The following STK32B variants were observed in gnomAD, a reference collection of about 807,000 sequenced individuals.
STK32B encodes serine/threonine kinase 32B.
Under a neutral mutation model 52.6 loss-of-function variants are expected in STK32B, and 43 were observed. The ratio of observed to expected loss-of-function variants is 0.82; its 90% CI spans 0.64 to 1.05. The LOEUF is 1.05. Among genes scored for constraint, STK32B ranks in the 50% least tolerant of loss-of-function variants. The pLI is 0.00. For synonymous variants in STK32B, 238 were observed against 204.3 expected, an observed-to-expected ratio of 1.17 and a Z score of -1.41; for missense variants, 621 against 534.6, an observed-to-expected ratio of 1.16 and a Z score of -1.59.
intron 7 of STK32B, among the ~76,000 whole-genome samples, chr4:5,449,160 G>A (rs1560423126): frequency 6.6e-6 from 1 of 152,180 alleles, no homozygotes; most frequent in Non-Finnish European, 1.5e-5. Flanking sequence ...TGCCAATATG[G>A]TGAAACCCTG....
chr4:5,243,059 G>A (rs1307145639), intron 3 of STK32B, among the ~76,000 whole-genome samples: 7 of 152,020 alleles, frequency 4.6e-5, no homozygotes, highest in African/African-American at 9.7e-5. Context: ...TTGGTGATGC[G>A]GGCTCTTTTT....
chr4:5,046,334 C>G, the STK32B span, among the ~76,000 whole-genome samples: 1 of 152,144 alleles, frequency 6.6e-6, no homozygotes, highest in Admixed American at 6.5e-5. Flanking sequence ...TGCAACTGGA[C>G]TCCTTCCATA....
the STK32B span, among the ~76,000 whole-genome samples, chr4:5,022,601 G>A: frequency 5.3e-5 from 8 of 152,182 alleles, no homozygotes; most frequent in African/African-American, 1.4e-4. Flanking sequence ...CCTTGTCTCC[G>A]CCAAAAGGTC....
chr4:5,041,785 G>A, the STK32B span, among the ~76,000 whole-genome samples: 1 of 144,906 alleles, frequency 6.9e-6, no homozygotes, highest in Non-Finnish European at 1.5e-5. Flanking sequence ...ATCTTGGTGT[G>A]CCACAAAACA....
chr4:5,239,057 C>T (rs1377757674), intron 3 of STK32B, among the ~76,000 whole-genome samples: 1 of 152,024 alleles, frequency 6.6e-6, no homozygotes, highest in African/African-American at 2.4e-5. Context: ...CAGAAAAGCC[C>T]TTTGGAGTGG....
At chr4:5,026,609 T>C in the STK32B span, among the ~76,000 whole-genome samples, 1,565 of 152,312 alleles carry the variant, frequency 0.01, 24 homozygotes, top group African/African-American at 0.035. Flanking sequence ...ATGGGGATTA[T>C]TACAATTCAA....
At chr4:5,072,650 T>A (rs1711851481) in intron 1 of STK32B, among the ~76,000 whole-genome samples, 1 of 152,154 alleles carries the variant, frequency 6.6e-6, no homozygotes, top group Non-Finnish European at 1.5e-5. Context: ...GACTTATAAC[T>A]CAGCATTTGA....
At chr4:5,376,583 C>T (rs1735603184) in intron 4 of STK32B, among the ~76,000 whole-genome samples, 1 of 152,080 alleles carries the variant, frequency 6.6e-6, no homozygotes, top group African/African-American at 2.4e-5. Flanking sequence ...CTCTTTCCTC[C>T]TCCATAAGGG....
chr4:5,128,618 AGGT>A, intron 1 of STK32B, among the ~76,000 whole-genome samples: 1 of 152,336 alleles, frequency 6.6e-6, no homozygotes, highest in East Asian at 1.9e-4. Flanking sequence ...AGGCAACAAG[AGGT>A]GGTTGCAGCT....
chr4:5,331,418 C>G (rs1275399712), intron 4 of STK32B, 25 bp downstream of exon 4: 1 of 1,592,310 alleles, frequency 6.3e-7, no homozygotes, highest in African/African-American at 1.3e-5. Flanking sequence ...GGCGGGATGC[C>G]TGGGACAGAG....
chr4:5,313,870 T>C (rs1045135533), intron 3 of STK32B, among the ~76,000 whole-genome samples: 4 of 152,116 alleles, frequency 2.6e-5, no homozygotes, highest in Admixed American at 6.5e-5. Flanking sequence ...TAGATATAAA[T>C]GTAACAAAAA....
chr4:5,031,522 C>G, the STK32B span, among the ~76,000 whole-genome samples: 1 of 151,970 alleles, frequency 6.6e-6, no homozygotes, highest in South Asian at 2.1e-4. Context: ...TCACCTGACT[C>G]CAAGAGGTCG....
chr4:5,261,409 T>C (rs1396941623), intron 3 of STK32B, among the ~76,000 whole-genome samples: 2 of 152,170 alleles, frequency 1.3e-5, no homozygotes, highest in Non-Finnish European at 2.9e-5. Flanking sequence ...GTGAATGGTG[T>C]TGAGGCCCTT....
upstream of STK32B, among the ~76,000 whole-genome samples, chr4:5,048,941 A>T (rs1741667615): frequency 6.6e-6 from 1 of 152,222 alleles, no homozygotes; most frequent in Non-Finnish European, 1.5e-5. Context: ...GGGTTGCCGG[A>T]GGTCCTAGCA....
rs1717794475 is a variant in STK32B, at chr4:5,470,768, A to T, written c.1106+2698A>T. ...GCCTCAAAACAAGCATTTTTACTTT[A>T]AACCAAGAAAAAAGTGAGACCTGTT... On this transcript the variant is annotated intron_variant, in intron 11 of 11. Transcript: ENST00000282908. The surrounding 1 kb of genome is among the most constrained non-coding windows in gnomAD (Gnocchi z 4.6). Among the ~76,000 whole-genome samples, 1 of 152,242 alleles carries T rather than the reference A, an allele frequency of 6.6e-6. No homozygotes were observed. Among genetic ancestry groups the T allele is most frequent in the Non-Finnish European group, 1.5e-5 (1 of 68,044 alleles).
At position 5,061,818 on chromosome 4, in the gene STK32B, C is replaced by T. The variant is rs565463909; in HGVS notation, c.52+9903C>T. Among the ~76,000 whole-genome samples the T allele has an allele frequency of 9.2e-5, 14 of 152,234 alleles. No individual in the cohort carries two copies. In the South Asian group the frequency reaches 1.9e-3, roughly 20 times the overall value. On this transcript the variant is annotated intron_variant, in intron 1 of 11. Coordinates refer to ENST00000282908, the MANE Select transcript of STK32B (RefSeq NM_018401.3). ...GTAGTTCCTGATGTTCAGTGTTTGT[C>T]GCCTCCCTGAAGCCTGCAAGTGCTT...
chr4:5,159,252 A>C (rs1040170995), intron 2 of STK32B, among the ~76,000 whole-genome samples: 2 of 152,056 alleles, frequency 1.3e-5, no homozygotes, highest in Non-Finnish European at 2.9e-5. Flanking sequence ...TTTGGAATCA[A>C]GTAACAAGCT....
At chr4:5,271,639 T>G (rs2108857603) in intron 3 of STK32B, among the ~76,000 whole-genome samples, 1 of 148,218 alleles carries the variant, frequency 6.7e-6, no homozygotes, top group Admixed American at 6.6e-5. Context: ...CCCATGAGCA[T>G]GGAATGTTCT....
upstream of STK32B, among the ~76,000 whole-genome samples, chr4:5,048,768 C>T (rs1043850332): frequency 6.6e-6 from 1 of 152,224 alleles, no homozygotes. Context: ...ACTTCTCAAC[C>T]ATTTGAGTTG....
Sources: gnomAD v4.1 joint callset for allele counts (sites outside exome capture counted in the v4.1 genomes callset) on GRCh38, gnomAD v4.1.1 for gene constraint, Gnocchi (gnomAD v3.1) non-coding constraint, MANE v1.5 for transcripts, NCBI Gene and HGNC (gene_info 2026-07-23, HGNC 2026-07-21) for gene names.